Variants in PTPRD observed in about 807,000 individuals in gnomAD.
The protein encoded by PTPRD is receptor-type tyrosine-protein phosphatase delta.
In PTPRD, 34 loss-of-function variants were observed where a neutral mutation model predicts 214.5. The ratio of observed to expected loss-of-function variants is 0.16; its 90% confidence interval spans 0.12 to 0.21. The LOEUF (loss-of-function observed/expected upper bound fraction) is 0.21, where lower values mean the gene tolerates loss of function less well. Among genes scored for constraint, PTPRD ranks in the 10% least tolerant of loss-of-function variants. The pLI, the probability that PTPRD is intolerant of heterozygous loss-of-function variation, is 1.00. For missense variants in PTPRD, 2,545 were observed against 2,398.7 expected (o/e 1.06, Z -1.27); for synonymous variants, 1,128 against 845.7 (o/e 1.33, Z -5.79).
At chr9:9,209,606 T>C (rs886984439) in intron 9 of PTPRD, among the ~76,000 whole-genome samples, 15 of 152,322 alleles carry the variant, frequency 9.8e-5, no homozygotes, top group African/African-American at 3.6e-4. Context: ...TGCTTCAAAA[T>C]ACTACTATTT....
chr9:9,069,930 A>G (rs1278445329), intron 10 of PTPRD, among the ~76,000 whole-genome samples: 1 of 152,208 alleles, frequency 6.6e-6, no homozygotes. Flanking sequence ...GTGGAGAAAA[A>G]GAACCTATAA....
At chr9:10,595,967 T>C (rs111272620) in intron 2 of PTPRD, among the ~76,000 whole-genome samples, 14 of 151,858 alleles carry the variant, frequency 9.2e-5, no homozygotes, top group African/African-American at 2.4e-5. Flanking sequence ...TCGTGTGATT[T>C]GTAGTGCATT....
intron 3 of PTPRD, among the ~76,000 whole-genome samples, chr9:10,305,790 G>A (rs947106365): frequency 3.3e-5 from 5 of 152,044 alleles, no homozygotes; most frequent in African/African-American, 9.7e-5. Flanking sequence ...CGGAGAGGAT[G>A]TGGAGAAATA....
chr9:10,261,221 G>C (rs1181693549), intron 3 of PTPRD, among the ~76,000 whole-genome samples: 1 of 151,150 alleles, frequency 6.6e-6, no homozygotes, highest in Non-Finnish European at 1.5e-5. Context: ...AAAACCTAGA[G>C]GATCATAGAA....
At chr9:10,091,397 T>A (rs1371671954) in intron 3 of PTPRD, among the ~76,000 whole-genome samples, 1 of 151,490 alleles carries the variant, frequency 6.6e-6, no homozygotes, top group Non-Finnish European at 1.5e-5. Context: ...TACTGAACTA[T>A]CCAGTACTGA....
At chr9:9,935,921 CTG>C (rs1273870471) in intron 5 of PTPRD, among the ~76,000 whole-genome samples, 3 of 150,674 alleles carry the variant, frequency 2.0e-5, no homozygotes, top group East Asian at 3.9e-4. Flanking sequence ...AGAAATAATG[CTG>C]CATATCTACA....
chr9:9,749,410 G>T (rs938935915), intron 6 of PTPRD, among the ~76,000 whole-genome samples: 6 of 152,100 alleles, frequency 3.9e-5, no homozygotes, highest in Non-Finnish European at 7.4e-5. Context: ...TGTCTCCTGA[G>T]TCTTAATTCT....
intron 11 of PTPRD, among the ~76,000 whole-genome samples, chr9:8,915,448 T>C (rs2098778300): frequency 6.6e-6 from 1 of 152,124 alleles, no homozygotes; most frequent in Admixed American, 6.5e-5. Context: ...CATGTATTAG[T>C]GGGGGTTCTC....
chr9:8,687,038 A>G (rs2097694677), intron 12 of PTPRD, among the ~76,000 whole-genome samples: 1 of 152,222 alleles, frequency 6.6e-6, no homozygotes, highest in Non-Finnish European at 1.5e-5. Context: ...AAAATCAATT[A>G]AAATTATCCT....
chr9:9,562,521 T>A (rs1043950714), intron 8 of PTPRD, among the ~76,000 whole-genome samples: 3 of 152,178 alleles, frequency 2.0e-5, no homozygotes, highest in Non-Finnish European at 2.9e-5. Flanking sequence ...CTACCTGACC[T>A]GCCTTCAACC....
intron 9 of PTPRD, among the ~76,000 whole-genome samples, chr9:9,323,051 A>AT (rs775837321): frequency 1.1e-4 from 16 of 151,816 alleles, no homozygotes; most frequent in East Asian, 7.7e-4. Context: ...ACTGTTTACA[A>AT]TTTTTTTTGC....
At chr9:10,011,490 G>C (rs2096598881) in intron 4 of PTPRD, among the ~76,000 whole-genome samples, 1 of 151,840 alleles carries the variant, frequency 6.6e-6, no homozygotes, top group African/African-American at 2.4e-5. Context: ...TCTTAAATTA[G>C]TTTTCATTGA....
chr9:9,992,774 G>A (rs1371426187), intron 4 of PTPRD, among the ~76,000 whole-genome samples: 2 of 151,786 alleles, frequency 1.3e-5, no homozygotes, highest in African/African-American at 4.8e-5. Flanking sequence ...CACAGGGTGG[G>A]GAACATCACA....
chr9:9,272,292 A>C lies in PTPRD; in HGVS notation c.-202-88929T>G, dbSNP rs141078602. ...GATATGCAGGCACACTTTAATTTTA[A>C]ATGTCGGAATTAGACTAAAAGAAAA... On this transcript the variant is annotated intron_variant, in intron 9 of 45. Transcript: ENST00000381196. 7.3e-3 allele frequency among the ~76,000 whole-genome samples: 1,103 copies of C among 151,404 alleles called. 15 individuals are homozygous for C. Among genetic ancestry groups the C allele is most frequent in the African/African-American group, 0.025 (1,047 of 41,428 alleles).
chr9:8,717,832 T>C (rs1477049734), intron 12 of PTPRD, among the ~76,000 whole-genome samples: 1 of 152,192 alleles, frequency 6.6e-6, no homozygotes, highest in Admixed American at 6.5e-5. Flanking sequence ...ACAATTTCTC[T>C]GTCTCCGGCA....
intron 2 of PTPRD, among the ~76,000 whole-genome samples, chr9:10,505,676 C>T (rs1488318508): frequency 7.3e-6 from 1 of 137,206 alleles, no homozygotes; most frequent in South Asian, 2.5e-4. Context: ...TGAACAGCAA[C>T]AACAAAAAGT....
intron 2 of PTPRD, among the ~76,000 whole-genome samples, chr9:10,437,146 T>A (rs2098724288): frequency 6.6e-6 from 1 of 151,856 alleles, no homozygotes; most frequent in South Asian, 2.1e-4. Flanking sequence ...ATACTTGCTT[T>A]CTGTCATCAT....
chr9:8,510,817 T>C, intron 21 of PTPRD, among the ~76,000 whole-genome samples: 1 of 152,112 alleles, frequency 6.6e-6, no homozygotes, highest in Non-Finnish European at 1.5e-5. Context: ...TTAAATAAGG[T>C]ATAAAATGAA....
chr9:9,160,219 C>T (rs145447835), intron 10 of PTPRD, among the ~76,000 whole-genome samples: 1 of 152,112 alleles, frequency 6.6e-6, no homozygotes, highest in East Asian at 1.9e-4. Context: ...AATGCTTCTG[C>T]ATAGCAAAGG....
Sources: gnomAD v4.1 joint callset for allele counts (sites outside exome capture counted in the v4.1 genomes callset) on GRCh38, gnomAD v4.1.1 for gene constraint, MANE v1.5 for transcripts, NCBI Gene and HGNC (gene_info 2026-07-23, HGNC 2026-07-21) for gene names.